Variants in EPHA3 observed in about 807,000 individuals in gnomAD.
EPHA3 encodes the protein ephrin type-A receptor 3.
EPHA3 carries 42 observed loss-of-function variants against 107.1 expected under a neutral mutation model. The ratio of observed to expected loss-of-function variants is 0.39; its 90% CI spans 0.31 to 0.51. The LOEUF is 0.51. Ranked by LOEUF, EPHA3 falls within the 20% of genes least tolerant of loss-of-function variation. The pLI is 0.78. For missense variants in EPHA3, 1,183 were observed against 1,211.2 expected, an observed-to-expected ratio of 0.98 and a Z score of 0.35; for synonymous variants, 461 against 424.8, an observed-to-expected ratio of 1.09 and a Z score of -1.05.
intron 3 of EPHA3, among the ~76,000 whole-genome samples, chr3:89,332,885 CT>C (rs200192690): frequency 0.015 from 2,295 of 152,176 alleles, 44 homozygotes; most frequent in African/African-American, 0.052. Flanking sequence ...TGAAATGAGC[CT>C]TTTAACCCTT....
At position 89,399,477 on chromosome 3, in the gene EPHA3, G is replaced by A. The variant is rs1161663372; in HGVS notation, c.1591G>A (p.Asp531Asn). Reference sequence around the variant, plus strand: ...CAAGTTTGAGTTTGAAACTAGTCCAGACTGTATGTATTATTTCAATGCAGT... The same window carrying A: ...CAAGTTTGAGTTTGAAACTAGTCCAAACTGTATGTATTATTTCAATGCAGT... ...SRKFEFETSP[D>N]SFSISGESSQ... The change falls in exon 7 of 17, where the codon GAC (aspartate) becomes AAC (asparagine). Residue 531 changes from aspartate to asparagine, a missense_variant. By Grantham distance (23) the Asp-to-Asn change is conservative. Transcript: ENST00000336596. The A allele has an allele frequency of 6.2e-7, 1 of 1,614,126 alleles. No individual in the cohort carries two copies. The highest frequency in any genetic ancestry group is 8.5e-7 in the Non-Finnish European group (1 of 1,180,020).
chr3:89,454,401 AC>A (rs1710057428), intron 15 of EPHA3, among the ~76,000 whole-genome samples: 1 of 151,872 alleles, frequency 6.6e-6, no homozygotes, highest in South Asian at 2.1e-4. Context: ...AATTAGAGCA[AC>A]TCTTGGTACC....
chr3:89,315,471 G>A lies in EPHA3; in HGVS notation c.815-25445G>A, dbSNP rs547113981. Among the ~76,000 whole-genome samples, 47 of 151,782 alleles carry A rather than the reference G, an allele frequency of 3.1e-4. 1 individual carries two copies. In the South Asian group the frequency reaches 8.7e-3, roughly 28 times the overall value. ...CTCTTTTTGTCCTGTGGATGATAGCGATTCATACAAATGTGTTACCATTGA... is the reference window on the plus strand; with the variant it reads ...CTCTTTTTGTCCTGTGGATGATAGCAATTCATACAAATGTGTTACCATTGA... On this transcript the variant is annotated intron_variant, in intron 3 of 16. Transcript: ENST00000336596.
At chr3:89,294,810 TTCTC>T (rs1261430493) in intron 3 of EPHA3, among the ~76,000 whole-genome samples, 1 of 152,182 alleles carries the variant, frequency 6.6e-6, no homozygotes. Context: ...ACTGATTGGT[TTCTC>T]TCTCTATTAT....
Position 89,406,568 on chromosome 3 carries a change from A to G in EPHA3, c.1595-701A>G, listed in dbSNP as rs577943208. ...TATTCCAATAAAATTGTATTTATAG[A>G]CAGCAAAATTTGAATTTCCTAGATT... is the stretch of plus-strand genomic sequence containing the variant. On this transcript the variant is annotated intron_variant, in intron 7 of 16. Coordinates refer to ENST00000336596, the MANE Select transcript of EPHA3 (RefSeq NM_005233.6). Among the ~76,000 whole-genome samples, 17 of 152,344 alleles carry G rather than the reference A, an allele frequency of 1.1e-4. No homozygotes were observed. The East Asian group carries it at 3.3e-3, about 29-fold the overall frequency.
intron 3 of EPHA3, among the ~76,000 whole-genome samples, chr3:89,317,745 G>A (rs1371103145): frequency 1.3e-5 from 2 of 151,444 alleles, no homozygotes; most frequent in Non-Finnish European, 3.0e-5. Flanking sequence ...ATAAAAGTTA[G>A]CCTAGACACT....
chr3:89,267,786 A>G (rs1164311162), intron 3 of EPHA3, among the ~76,000 whole-genome samples: 1 of 152,192 alleles, frequency 6.6e-6, no homozygotes, highest in Non-Finnish European at 1.5e-5. Flanking sequence ...AAAAGCTTAG[A>G]ATAAATGAAG....
intron 3 of EPHA3, among the ~76,000 whole-genome samples, chr3:89,266,868 C>G (rs1309276938): frequency 6.6e-6 from 1 of 151,880 alleles, no homozygotes; most frequent in Non-Finnish European, 1.5e-5. Context: ...TTCTCAAAAC[C>G]CATTTTAACG....
At chr3:89,451,512 C>A (rs1199752793) in intron 15 of EPHA3, among the ~76,000 whole-genome samples, 1 of 152,170 alleles carries the variant, frequency 6.6e-6, no homozygotes, top group Admixed American at 6.5e-5. Flanking sequence ...TGATTTATCA[C>A]ATGAGTTAGT....
intron 11 of EPHA3, among the ~76,000 whole-genome samples, chr3:89,426,722 A>G: frequency 6.6e-6 from 1 of 151,998 alleles, no homozygotes; most frequent in South Asian, 2.1e-4. Flanking sequence ...GGCCAATGAT[A>G]TTGAGAGTTG....
intron 3 of EPHA3, among the ~76,000 whole-genome samples, chr3:89,271,294 T>C (rs1375321224): frequency 2.6e-5 from 4 of 151,998 alleles, no homozygotes; most frequent in African/African-American, 9.7e-5. Flanking sequence ...TAGCTAGAAA[T>C]GGCAATGTAA....
At chr3:89,205,448 G>A (rs1706077339) in intron 2 of EPHA3, among the ~76,000 whole-genome samples, 2 of 152,098 alleles carry the variant, frequency 1.3e-5, no homozygotes, top group African/African-American at 2.4e-5. Flanking sequence ...CTTTGATGAT[G>A]GAGAGGTTTG....
intron 2 of EPHA3, among the ~76,000 whole-genome samples, chr3:89,158,252 AT>A: frequency 6.6e-6 from 1 of 152,110 alleles, no homozygotes; most frequent in Admixed American, 6.6e-5. Context: ...GTTCTAAACC[AT>A]TTTTAGATGC....
intron 2 of EPHA3, among the ~76,000 whole-genome samples, chr3:89,177,990 C>A (rs1185275480): frequency 2.6e-5 from 4 of 152,088 alleles, no homozygotes; most frequent in Non-Finnish European, 4.4e-5. Context: ...ACATAATATC[C>A]TCCAAAGGAA....
intron 2 of EPHA3, among the ~76,000 whole-genome samples, chr3:89,134,552 A>AT (rs1403562095): frequency 6.6e-6 from 1 of 152,044 alleles, no homozygotes; most frequent in Non-Finnish European, 1.5e-5. Context: ...TGAACTCATC[A>AT]TTTTTTATGG....
chr3:89,412,658 A>T (rs1246023692), intron 9 of EPHA3, among the ~76,000 whole-genome samples: 4 of 151,774 alleles, frequency 2.6e-5, no homozygotes, highest in African/African-American at 9.7e-5. Context: ...GCCATTATAT[A>T]TCATTTAATT....
chr3:89,372,824 G>A (rs774350214), intron 5 of EPHA3, among the ~76,000 whole-genome samples: 9 of 151,590 alleles, frequency 5.9e-5, no homozygotes, highest in Non-Finnish European at 1.3e-4. Context: ...GACTCTCAAA[G>A]GAAGGTATGT....
chr3:89,167,450 A>G (rs1014536424), intron 2 of EPHA3, among the ~76,000 whole-genome samples: 1 of 152,106 alleles, frequency 6.6e-6, no homozygotes, highest in African/African-American at 2.4e-5. Context: ...TGAAGTAGGG[A>G]GAAAAGCTAT....
At chr3:89,235,802 A>C (rs181962377) in intron 3 of EPHA3, among the ~76,000 whole-genome samples, 1 of 151,972 alleles carries the variant, frequency 6.6e-6, no homozygotes, top group African/African-American at 2.4e-5. Context: ...TATTTTATAC[A>C]TTTTAAGAAA....
Sources: gnomAD v4.1 joint callset for allele counts (sites outside exome capture counted in the v4.1 genomes callset) on GRCh38, gnomAD v4.1.1 for gene constraint, MANE v1.5 for transcripts, NCBI Gene and HGNC (gene_info 2026-07-23, HGNC 2026-07-21) for gene names.